Variants in SDK1 observed in about 807,000 individuals in gnomAD.
The protein encoded by SDK1 is protein sidekick-1.
SDK1 carries 157 observed loss-of-function variants against 245.5 expected under a neutral mutation model. The observed-to-expected ratio is 0.64, with a 90% CI of 0.56 to 0.73. The LOEUF is 0.73. SDK1 is among the 30% of genes least tolerant of loss of function. SDK1 has a pLI of 0.00. For missense variants in SDK1, 3,583 were observed against 3,002.3 expected, an observed-to-expected ratio of 1.19 and a Z score of -4.52; for synonymous variants, 1,647 against 1,278.5, an observed-to-expected ratio of 1.29 and a Z score of -6.15.
In SDK1 at chr7:3,619,715, C is replaced by T. The variant is rs139364319; in HGVS notation, c.458+476C>T. ...GAATCATGGAGAATGGGCATGCATA[C>T]AGCCTGTATATTCAGCAGCAATAAA... On this transcript the variant is annotated intron_variant, in intron 2 of 44. Coordinates refer to ENST00000404826, the MANE Select transcript of SDK1 (RefSeq NM_152744.4). Among the ~76,000 whole-genome samples, 591 of 152,310 alleles carry T rather than the reference C, an allele frequency of 3.9e-3. 6 individuals carry two copies. Among genetic ancestry groups the T allele is most frequent in the African/African-American group, 0.014 (577 of 41,556 alleles).
intron 22 of SDK1, 89 bp from the exon 23 acceptor site, chr7:4,110,574 C>T (rs1488070448): frequency 2.2e-6 from 2 of 920,068 alleles, no homozygotes; most frequent in East Asian, 2.5e-5. Flanking sequence ...CTGCCCAGCT[C>T]ACCAGGTACC....
chr7:3,967,277 A>C, intron 9 of SDK1, 41 bp from the exon 10 acceptor site: 1 of 1,504,936 alleles, frequency 6.6e-7, no homozygotes, highest in Non-Finnish European at 9.3e-7. Flanking sequence ...TGAGCCTCTC[A>C]GGAACAAGGC....
At chr7:3,945,512 A>G (rs1474758120) in intron 5 of SDK1, among the ~76,000 whole-genome samples, 1 of 152,182 alleles carries the variant, frequency 6.6e-6, no homozygotes. Flanking sequence ...CAAGAACAGG[A>G]TGCAATGAAA....
chr7:3,504,182 A>ATGTGTGTGTGTGTGTGTGTGTGTGTGTG (rs56306302), intron 1 of SDK1, among the ~76,000 whole-genome samples: 72 of 131,936 alleles, frequency 5.5e-4, no homozygotes, highest in Admixed American at 1.1e-3. Flanking sequence ...ATATATATAT[A>ATGTGTGTGTGTGTGTGTGTGTGTGTGTG]TGTGTGTGTG....
At chr7:3,980,456 G>C (rs1207624197) in intron 13 of SDK1, among the ~76,000 whole-genome samples, 1 of 150,430 alleles carries the variant, frequency 6.6e-6, no homozygotes, top group African/African-American at 2.5e-5. Context: ...GCTTATCACT[G>C]TCTGTGAGTC....
chr7:4,199,969 C>T lies in SDK1; in HGVS notation c.5099-5910C>T, dbSNP rs34537874. 1.0e-3 allele frequency among the ~76,000 whole-genome samples: 154 copies of T among 152,268 alleles called. 2 individuals are homozygous for T. The highest frequency in any genetic ancestry group is 1.1e-3 in the Non-Finnish European group (75 of 68,020). Reference sequence around the variant, plus strand: ...AATTAGCCGGGTGTGGTGGCGGGCACCTGTAATCCCAGCTACTCAGGAGGC... The same window carrying T: ...AATTAGCCGGGTGTGGTGGCGGGCATCTGTAATCCCAGCTACTCAGGAGGC... On this transcript the variant is annotated intron_variant, in intron 35 of 44. Transcript: ENST00000404826.
At chr7:3,346,282 TGGGTG>T (rs1023988158) in intron 1 of SDK1, among the ~76,000 whole-genome samples, 3 of 152,084 alleles carry the variant, frequency 2.0e-5, no homozygotes, top group Non-Finnish European at 4.4e-5. Context: ...CTGGTTTCGG[TGGGTG>T]GGGACCTTTC....
intron 5 of SDK1, among the ~76,000 whole-genome samples, chr7:3,895,282 A>T (rs1781573425): frequency 6.6e-6 from 1 of 152,148 alleles, no homozygotes; most frequent in Non-Finnish European, 1.5e-5. Context: ...TTGTATGACC[A>T]TTCATAGCTT....
intron 41 of SDK1, among the ~76,000 whole-genome samples, chr7:4,237,322 G>C (rs1433019354): frequency 6.6e-6 from 1 of 152,034 alleles, no homozygotes; most frequent in Admixed American, 6.6e-5. Flanking sequence ...GGGCGGTTTT[G>C]ATGGGCAAGG....
At chr7:3,475,922 TC>T (rs2128600193) in intron 1 of SDK1, 1 of 152,754 alleles carries the variant, frequency 6.5e-6, no homozygotes, top group African/African-American at 2.4e-5. Context: ...ATTTTGACTT[TC>T]CCTTTAAAAT....
rs190978042 is a variant in SDK1 at position 3,825,806 on chromosome 7, C to T, written c.847+4223C>T. On this transcript the variant is annotated intron_variant, in intron 5 of 44. Transcript: ENST00000404826. ...CAACTCTCTCCTATTTTCCTTGTAC[C>T]GTTAACATTAAAGGGAGAGAGGGGA... 1.7e-3 allele frequency among the ~76,000 whole-genome samples: 255 copies of T among 152,222 alleles called. 2 individuals are homozygous for T. Among genetic ancestry groups the T allele is most frequent in the Admixed American group, 3.9e-3 (59 of 15,294 alleles).
intron 44 of SDK1, 28 bp downstream of exon 44, chr7:4,245,833 G>A (rs780605816): frequency 1.9e-6 from 3 of 1,612,776 alleles, no homozygotes; most frequent in Non-Finnish European, 2.5e-6. Flanking sequence ...CTTCCGGGCA[G>A]TGACCATCAG....
chr7:3,952,055 C>G, intron 7 of SDK1, 135 bp downstream of exon 7: 1 of 732,442 alleles, frequency 1.4e-6, no homozygotes. Context: ...TTGAGTTTAC[C>G]TTCGAAATCC....
intron 5 of SDK1, among the ~76,000 whole-genome samples, chr7:3,884,184 G>C (rs146274420): frequency 6.6e-6 from 1 of 151,606 alleles, no homozygotes; most frequent in Non-Finnish European, 1.5e-5. Context: ...GGGCTCAAGC[G>C]ATCCTCCCAC....
intron 5 of SDK1, among the ~76,000 whole-genome samples, chr7:3,856,977 A>G (rs1189267064): frequency 5.9e-5 from 9 of 152,204 alleles, no homozygotes; most frequent in African/African-American, 1.9e-4. Context: ...GGAAGGCTCT[A>G]CCAAGAAATT....
intron 5 of SDK1, among the ~76,000 whole-genome samples, chr7:3,909,620 C>T (rs978852158): frequency 3.9e-5 from 6 of 152,166 alleles, no homozygotes; most frequent in Admixed American, 3.9e-4. Context: ...CATGTGTGTC[C>T]GTGGAGCTGG....
chr7:3,830,223 G>A (rs1779880185), intron 5 of SDK1, among the ~76,000 whole-genome samples: 1 of 152,070 alleles, frequency 6.6e-6, no homozygotes, highest in Admixed American at 6.5e-5. Context: ...TGACCAGTTG[G>A]GTTCAGCAGA....
At chr7:3,858,011 C>G (rs1159202729) in intron 5 of SDK1, among the ~76,000 whole-genome samples, 1 of 152,164 alleles carries the variant, frequency 6.6e-6, no homozygotes, top group Non-Finnish European at 1.5e-5. Context: ...TGTCACCTCT[C>G]CCCAAATCTA....
chr7:3,439,835 T>A (rs926284385), intron 1 of SDK1, among the ~76,000 whole-genome samples: 1 of 152,184 alleles, frequency 6.6e-6, no homozygotes, highest in African/African-American at 2.4e-5. Context: ...CTTGAAGACC[T>A]CCTTGCTTAC....
Sources: allele counts gnomAD v4.1 joint callset (sites outside exome capture counted in the v4.1 genomes callset), GRCh38; gene constraint gnomAD v4.1.1; transcripts MANE v1.5; gene names NCBI Gene and HGNC (gene_info 2026-07-23, HGNC 2026-07-21).